The following PTK2 variants were observed in gnomAD, a reference collection of about 807,000 sequenced individuals.
PTK2 encodes focal adhesion kinase 1.
A neutral mutation model predicts 150.1 loss-of-function variants in PTK2; 45 were observed. The ratio of observed to expected loss-of-function variants is 0.30; its 90% CI spans 0.24 to 0.38. The LOEUF (loss-of-function observed/expected upper bound fraction) is 0.38. Among genes scored for constraint, PTK2 ranks in the 10% least tolerant of loss-of-function variants. PTK2 has a pLI of 1.00. For synonymous variants in PTK2, 432 were observed against 449.2 expected (o/e 0.96, Z 0.48); for missense variants, 919 against 1,307.3 (o/e 0.70, Z 4.58).
At chr8:140,994,520 T>G (rs1244794149) in intron 1 of PTK2, among the ~76,000 whole-genome samples, 1 of 152,112 alleles carries the variant, frequency 6.6e-6, no homozygotes, top group African/African-American at 2.4e-5. Context: ...AGGGATCTCT[T>G]TTTATTTTTA....
chr8:140,764,132 G>A, intron 15 of PTK2, 102 bp downstream of exon 17: 1 of 916,714 alleles, frequency 1.1e-6, no homozygotes, highest in Non-Finnish European at 1.8e-6. Flanking sequence ...ATCCAAGGAA[G>A]TATTAAAAAT....
chr8:140,678,453 G>A (rs2100015100), intron 27 of PTK2, among the ~76,000 whole-genome samples: 1 of 151,896 alleles, frequency 6.6e-6, no homozygotes, highest in Non-Finnish European at 1.5e-5. Context: ...CTCAAGTGAT[G>A]CTCCTGCCTC....
intron 2 of PTK2, among the ~76,000 whole-genome samples, chr8:140,904,357 G>A (rs1168494693): frequency 6.6e-6 from 1 of 152,182 alleles, no homozygotes; most frequent in Non-Finnish European, 1.5e-5. Context: ...CGACTTGATA[G>A]TGGTGGATAT....
At chr8:140,950,269 G>C (rs2100179129) in intron 1 of PTK2, among the ~76,000 whole-genome samples, 1 of 152,246 alleles carries the variant, frequency 6.6e-6, no homozygotes, top group African/African-American at 2.4e-5. Context: ...GCAACGAGCA[G>C]AGGAGAATCC....
At chr8:140,728,794 T>A (rs1455759691) in intron 22 of PTK2, among the ~76,000 whole-genome samples, 1 of 152,190 alleles carries the variant, frequency 6.6e-6, no homozygotes, top group Non-Finnish European at 1.5e-5. Context: ...ATGCTGAGAT[T>A]ACAAGCGTGA....
At chr8:140,803,779 AAC>A in intron 10 of PTK2, 129 bp from the exon 11 acceptor site, 2 of 812,062 alleles carry the variant, frequency 2.5e-6, no homozygotes, top group East Asian at 2.6e-5. Context: ...TGGGGAAAAA[AAC>A]AGATTCTCCA....
At chr8:140,911,190 A>G (rs1162320006) in intron 2 of PTK2, among the ~76,000 whole-genome samples, 9 of 151,766 alleles carry the variant, frequency 5.9e-5, no homozygotes, top group Admixed American at 5.9e-4. Context: ...AGCACCCAGC[A>G]CTTTCTTTTT....
At chr8:140,785,134 G>GA (rs1244478581) in intron 14 of PTK2, among the ~76,000 whole-genome samples, 1 of 152,068 alleles carries the variant, frequency 6.6e-6, no homozygotes, top group Non-Finnish European at 1.5e-5. Context: ...TGATTCCTAG[G>GA]AAAAAATCAA....
At chr8:140,927,940 GAAAA>G (rs779534564) in intron 1 of PTK2, among the ~76,000 whole-genome samples, 1 of 36,274 alleles carries the variant, frequency 2.8e-5, no homozygotes, top group Non-Finnish European at 4.8e-5. Context: ...ATCTCAAAAA[GAAAA>G]AAAAAAAAAA....
chr8:140,794,123 G>A (rs899945780), intron 12 of PTK2, among the ~76,000 whole-genome samples: 8 of 152,098 alleles, frequency 5.3e-5, no homozygotes, highest in African/African-American at 1.9e-4. Context: ...CCCCCTAATT[G>A]GTCCTGTCTT....
At chr8:140,871,185 C>G (rs1014683777) in intron 4 of PTK2, among the ~76,000 whole-genome samples, 11 of 152,300 alleles carry the variant, frequency 7.2e-5, no homozygotes, top group African/African-American at 2.6e-4. Context: ...AGTGGATGCA[C>G]TGCTCATAAA....
intron 10 of PTK2, among the ~76,000 whole-genome samples, chr8:140,805,276 T>A (rs909000767): frequency 2.0e-5 from 3 of 152,126 alleles, no homozygotes; most frequent in South Asian, 2.1e-4. Flanking sequence ...AAGCATCATA[T>A]TTGGCCGGGT....
intron 30 of PTK2, among the ~76,000 whole-genome samples, chr8:140,667,058 T>G (rs1248686439): frequency 6.6e-6 from 1 of 152,098 alleles, no homozygotes; most frequent in Non-Finnish European, 1.5e-5. Context: ...AAGCGGTACC[T>G]AGGGTAGTCA....
intron 1 of PTK2, among the ~76,000 whole-genome samples, chr8:140,956,697 T>C (rs2100181329): frequency 6.6e-6 from 1 of 152,190 alleles, no homozygotes; most frequent in African/African-American, 2.4e-5. Context: ...GATATTGATA[T>C]TGATGATCCT....
At chr8:140,953,055 C>G (rs2100180031) in intron 1 of PTK2, among the ~76,000 whole-genome samples, 1 of 152,144 alleles carries the variant, frequency 6.6e-6, no homozygotes, top group Non-Finnish European at 1.5e-5. Context: ...AAAAAATTGA[C>G]TTTCAATAGG....
intron 8 of PTK2, among the ~76,000 whole-genome samples, chr8:140,819,361 T>G (rs890924633): frequency 6.6e-6 from 1 of 152,058 alleles, no homozygotes; most frequent in African/African-American, 2.4e-5. Flanking sequence ...ATTCCACTGT[T>G]AGGAGGGAAA....
At chr8:140,822,875 G>A (rs1264169352) in intron 8 of PTK2, among the ~76,000 whole-genome samples, 1 of 152,166 alleles carries the variant, frequency 6.6e-6, no homozygotes, top group Non-Finnish European at 1.5e-5. Context: ...TAATATGGAT[G>A]AATAAAATCT....
At chr8:140,872,618 C>T (rs1443300535) in intron 4 of PTK2, among the ~76,000 whole-genome samples, 12 of 152,132 alleles carry the variant, frequency 7.9e-5, no homozygotes, top group Non-Finnish European at 1.5e-4. Flanking sequence ...AGCCTCAGAC[C>T]CTAATGGTCA....
chr8:140,746,813 C>T, exon 18 of PTK2: 2 of 1,613,684 alleles, frequency 1.2e-6, no homozygotes, highest in South Asian at 1.1e-5. Flanking sequence ...TCTGTGATGA[C>T]TCCAATCAGC....
Sources: gnomAD v4.1 joint callset for allele counts (sites outside exome capture counted in the v4.1 genomes callset) on GRCh38, gnomAD v4.1.1 for gene constraint, MANE v1.5 for transcripts, NCBI Gene and HGNC (gene_info 2026-07-23, HGNC 2026-07-21) for gene names.